TNRC6B: variants seen among roughly 807,000 people sequenced by gnomAD.
TNRC6B encodes the protein trinucleotide repeat-containing gene 6B protein.
In TNRC6B, 52 loss-of-function variants were observed where a neutral mutation model predicts 203.6. That is an observed-to-expected ratio of 0.26 (90% confidence interval 0.20 to 0.32). The LOEUF (loss-of-function observed/expected upper bound fraction) is 0.32. Among genes scored for constraint, TNRC6B ranks in the 10% least tolerant of loss-of-function variants. The pLI is 1.00. For missense variants in TNRC6B, 1,923 were observed against 2,286.2 expected, an observed-to-expected ratio of 0.84 and a Z score of 3.24; for synonymous variants, 838 against 845.7, an observed-to-expected ratio of 0.99 and a Z score of 0.16.
At chr22:40,220,993 C>T (rs188847061) in intron 1 of TNRC6B, among the ~76,000 whole-genome samples, 6 of 152,272 alleles carry the variant, frequency 3.9e-5, no homozygotes, top group East Asian at 3.9e-4. Context: ...ATGCCTTTAG[C>T]CAGAAGGCTT....
At chr22:40,082,373 G>A (rs1417269594) in intron 1 of TNRC6B, among the ~76,000 whole-genome samples, 1 of 152,106 alleles carries the variant, frequency 6.6e-6, no homozygotes, top group Non-Finnish European at 1.5e-5. Context: ...CTGACAGAGG[G>A]AATAGCATGT....
intron 12 of TNRC6B, among the ~76,000 whole-genome samples, chr22:40,300,072 G>C (rs541774784): frequency 1.6e-4 from 25 of 152,066 alleles, no homozygotes; most frequent in Admixed American, 1.4e-3. Flanking sequence ...ATACTTTCAC[G>C]TAAGTATTAT....
chr22:40,154,248 G>A (rs1475940236), intron 3 of TNRC6B, among the ~76,000 whole-genome samples: 1 of 151,994 alleles, frequency 6.6e-6, no homozygotes, highest in African/African-American at 2.4e-5. Context: ...TGGATCACGA[G>A]GTCAGGAGAT....
At chr22:40,086,801 C>G (rs141561648) in intron 1 of TNRC6B, among the ~76,000 whole-genome samples, 1 of 152,280 alleles carries the variant, frequency 6.6e-6, no homozygotes, top group East Asian at 1.9e-4. Flanking sequence ...GAAGCCTTAA[C>G]TCCCCTTTAA....
intron 14 of TNRC6B, 42 bp from the exon 15 acceptor site, chr22:40,301,108 C>G: frequency 6.4e-7 from 1 of 1,553,488 alleles, no homozygotes; most frequent in Non-Finnish European, 8.7e-7. Flanking sequence ...CTGGGAAGTT[C>G]GGGGCCGTGC....
chr22:40,164,071 T>G (rs866244551), intron 4 of TNRC6B, among the ~76,000 whole-genome samples: 12 of 152,028 alleles, frequency 7.9e-5, no homozygotes, highest in Non-Finnish European at 1.2e-4. Context: ...TGAGGTGGTG[T>G]TATTATAAAG....
At chr22:40,104,799 C>T (rs977269668) in intron 1 of TNRC6B, among the ~76,000 whole-genome samples, 1 of 152,174 alleles carries the variant, frequency 6.6e-6, no homozygotes, top group African/African-American at 2.4e-5. Context: ...TATGTTTACT[C>T]ATTTAATCTT....
chr22:40,154,986 T>C (rs1233881777), intron 3 of TNRC6B, among the ~76,000 whole-genome samples: 1 of 148,194 alleles, frequency 6.7e-6, no homozygotes, highest in Non-Finnish European at 1.5e-5. Context: ...ATGCATTCTT[T>C]TGTGACTTGC....
intron 1 of TNRC6B, among the ~76,000 whole-genome samples, chr22:40,189,894 T>C (rs1357046868): frequency 6.6e-6 from 1 of 152,166 alleles, no homozygotes; most frequent in Non-Finnish European, 1.5e-5. Flanking sequence ...GTTACCATCA[T>C]TTCAAAGAAA....
intron 1 of TNRC6B, among the ~76,000 whole-genome samples, chr22:40,236,690 C>T (rs143116986): frequency 1.6e-4 from 25 of 152,266 alleles, no homozygotes; most frequent in Non-Finnish European, 2.9e-4. Flanking sequence ...TCAAGATGAA[C>T]CCTGGCTGTT....
At chr22:40,252,181 T>C (rs568719480) in intron 3 of TNRC6B, among the ~76,000 whole-genome samples, 3 of 152,322 alleles carry the variant, frequency 2.0e-5, no homozygotes, top group African/African-American at 7.2e-5. Flanking sequence ...CCCACTTAAA[T>C]ATGTGTTTCT....
chr22:40,107,178 A>G (rs1569262539), intron 1 of TNRC6B: 1 of 536,648 alleles, frequency 1.9e-6, no homozygotes, highest in African/African-American at 1.9e-5. Context: ...ATCCTATTTA[A>G]GAAATCCTTC....
chr22:40,107,873 TA>T (rs1288827802), intron 1 of TNRC6B, among the ~76,000 whole-genome samples: 3 of 151,412 alleles, frequency 2.0e-5, no homozygotes, highest in African/African-American at 7.3e-5. Context: ...AGAATGCTTT[TA>T]GTTTGTGCCA....
At chr22:40,230,282 CTT>C (rs56122256) in intron 1 of TNRC6B, among the ~76,000 whole-genome samples, 94 of 94,462 alleles carry the variant, frequency 1.0e-3, no homozygotes, top group Non-Finnish European at 1.2e-3. Context: ...TGCCCATCTT[CTT>C]TTTTTTTTTT....
At chr22:40,121,501 G>A (rs2068445292) in intron 2 of TNRC6B, among the ~76,000 whole-genome samples, 1 of 152,192 alleles carries the variant, frequency 6.6e-6, no homozygotes, top group South Asian at 2.1e-4. Context: ...GCCTGCTTAG[G>A]AAAAGCTGTG....
chr22:40,250,538 T>C lies in TNRC6B; in HGVS notation c.94-641T>C, dbSNP rs971771155. On this transcript the variant is annotated intron_variant, in intron 2 of 22. Transcript: ENST00000454349. ...AATCTTACTGCTGTACTTCATGCTA[T>C]TTTATATAAGTGTTGATAATAACAG... Among the ~76,000 whole-genome samples the C allele has an allele frequency of 5.9e-5, 9 of 152,222 alleles. No individual in the cohort carries two copies. In the South Asian group the frequency reaches 1.0e-3, roughly 18 times the overall value.
At chr22:40,071,919 G>A (rs564294831) in intron 1 of TNRC6B, among the ~76,000 whole-genome samples, 72 of 152,194 alleles carry the variant, frequency 4.7e-4, no homozygotes, top group African/African-American at 1.7e-3. Context: ...GTACATTGGC[G>A]CGATCATAGC....
chr22:40,221,027 T>C (rs1333890170), intron 1 of TNRC6B, among the ~76,000 whole-genome samples: 1 of 152,162 alleles, frequency 6.6e-6, no homozygotes, highest in African/African-American at 2.4e-5. Context: ...TGGGAAGCTT[T>C]AGGTTTCCTA....
At chr22:40,069,955 T>C (rs1415387133) in intron 1 of TNRC6B, among the ~76,000 whole-genome samples, 2 of 152,200 alleles carry the variant, frequency 1.3e-5, no homozygotes, top group Admixed American at 6.5e-5. Context: ...GATTGGTGTA[T>C]ATTAAAAGAA....
Sources: allele counts gnomAD v4.1 joint callset (sites outside exome capture counted in the v4.1 genomes callset), GRCh38; gene constraint gnomAD v4.1.1; transcripts MANE v1.5; gene names NCBI Gene and HGNC (gene_info 2026-07-23, HGNC 2026-07-21).